Variants in IQCE observed in about 807,000 individuals in gnomAD.
The protein encoded by IQCE is IQ motif containing E, also known as IQ domain-containing protein E.
IQCE carries 115 observed loss-of-function variants against 96.0 expected under a neutral mutation model. The observed-to-expected ratio is 1.20, with a 90% CI of 1.03 to 1.40. The LOEUF (loss-of-function observed/expected upper bound fraction) is 1.40. Among genes scored for constraint, IQCE ranks in the 40% most tolerant of loss-of-function variants. IQCE has a pLI of 0.00. For synonymous variants in IQCE, 412 were observed against 371.2 expected (o/e 1.11, Z -1.26); for missense variants, 1,041 against 909.1 (o/e 1.15, Z -1.87).
At chr7:2,572,368 C>T in intron 5 of IQCE, 42 bp downstream of exon 5, 1 of 1,597,914 alleles carries the variant, frequency 6.3e-7, no homozygotes, top group Non-Finnish European at 8.5e-7. Context: ...CAAGGAAGAG[C>T]AGAAAGGAAA....
intron 1 of IQCE, among the ~76,000 whole-genome samples, chr7:2,565,097 C>CGT (rs200266385): frequency 2.0e-5 from 3 of 148,000 alleles, no homozygotes; most frequent in Admixed American, 6.8e-5. Context: ...CGTGTGTGTG[C>CGT]GTGTGTGTGT....
At chr7:2,572,072 T>C in intron 4 of IQCE, 120 bp from the exon 5 acceptor site, 1 of 1,085,342 alleles carries the variant, frequency 9.2e-7, no homozygotes, top group Non-Finnish European at 1.3e-6. Context: ...AGCACGACAC[T>C]GACGGCTGGC....
intron 17 of IQCE, among the ~76,000 whole-genome samples, chr7:2,601,165 G>A (rs531513857): frequency 6.6e-6 from 1 of 152,334 alleles, no homozygotes; most frequent in African/African-American, 2.4e-5. Context: ...ACAGCCAGGG[G>A]ACTGGCACAC....
chr7:2,592,552 C>T (rs1042193748), intron 14 of IQCE, among the ~76,000 whole-genome samples: 3 of 152,202 alleles, frequency 2.0e-5, no homozygotes, highest in South Asian at 4.1e-4. Context: ...CAGAAGTCTC[C>T]GTCGAAGGCC....
chr7:2,600,985 G>A (rs1784394371), intron 17 of IQCE, among the ~76,000 whole-genome samples: 1 of 152,178 alleles, frequency 6.6e-6, no homozygotes, highest in Non-Finnish European at 1.5e-5. Context: ...CCAGACCCCT[G>A]AACCAAAGTC....
chr7:2,574,478 C>A (rs1050467851), intron 6 of IQCE, among the ~76,000 whole-genome samples: 24 of 152,222 alleles, frequency 1.6e-4, no homozygotes, highest in African/African-American at 5.5e-4. Context: ...CTGACAGAGG[C>A]TGCGCTGCTG....
At chr7:2,571,486 G>T in intron 3 of IQCE, 40 bp from the exon 4 acceptor site, 1 of 1,603,162 alleles carries the variant, frequency 6.2e-7, no homozygotes. Flanking sequence ...CTCACATGTT[G>T]CTGTCCGGCA....
At chr7:2,570,832 A>G (rs933920860) in intron 3 of IQCE, among the ~76,000 whole-genome samples, 18 of 152,276 alleles carry the variant, frequency 1.2e-4, no homozygotes, top group African/African-American at 4.3e-4. Context: ...TTTACATATT[A>G]AGTTCTAAAT....
chr7:2,589,136 G>T (rs1490605667), intron 13 of IQCE, among the ~76,000 whole-genome samples: 1 of 152,198 alleles, frequency 6.6e-6, no homozygotes. Context: ...GGGAGGCTAA[G>T]CTGGGAGGAT....
rs61736333 is a variant in IQCE at position 2,572,256 on chromosome 7, C to T, written c.324C>T (p.Gly108=). The change falls in exon 5 of 22, where the codon GGC becomes GGT. Residue 108 remains glycine (G), a synonymous_variant. Transcript: ENST00000402050. ...AGCATGCGTGGACTGGCGTCCCCGG[C>T]GGCACTCCTGACTGTCTGACAGACA... The part of the protein sequence containing the change: ...TWEHAWTGVP[G]GTPDCLTDTF... 4,545 of 1,614,100 alleles carry T rather than the reference C, an allele frequency of 2.8e-3. 118 individuals are homozygous for T. In the African/African-American group the frequency reaches 0.053, roughly 19 times the overall value.
Position 2,558,993 on chromosome 7 carries a change from T to G in IQCE, c.-189T>G. On this transcript the variant is annotated 5_prime_UTR_variant, in exon 1 of 22. Transcript: ENST00000402050. Reference sequence around the variant, plus strand: ...CCGCGGACTCTGCGCACGCGCATGGTCGCCCCAGGGGGAACGCAGGTCGCT... The same window carrying G: ...CCGCGGACTCTGCGCACGCGCATGGGCGCCCCAGGGGGAACGCAGGTCGCT... 1 of 328,376 alleles carries G rather than the reference T, an allele frequency of 3.0e-6. No homozygotes were observed. 20.3% of individuals were successfully genotyped at this position (328,376 alleles called of 1,614,324 possible). A position where few individuals can be genotyped will look rare whatever the true frequency, so the allele number is the denominator to read the frequency against.
chr7:2,600,782 T>A (rs1784380388), intron 17 of IQCE, among the ~76,000 whole-genome samples: 2 of 152,202 alleles, frequency 1.3e-5, no homozygotes, highest in South Asian at 4.1e-4. Context: ...GCCGTGGTGG[T>A]CATTCCGTGC....
At chr7:2,583,581 C>T in intron 9 of IQCE, 56 bp from the exon 10 acceptor site, 7 of 1,366,068 alleles carry the variant, frequency 5.1e-6, no homozygotes, top group Non-Finnish European at 6.1e-6. Context: ...CTTCCTCTTG[C>T]TCTGTCCCCT....
chr7:2,598,703 C>T, intron 17 of IQCE, 71 bp downstream of exon 17: 1 of 1,354,780 alleles, frequency 7.4e-7, no homozygotes, highest in Non-Finnish European at 9.7e-7. Flanking sequence ...CACTCACTCT[C>T]CAGGAATGAC....
In IQCE at chr7:2,610,158, T is replaced by G. The variant is rs538921417; in HGVS notation, c.2084T>G (p.Val695Gly). 6.3e-6 allele frequency: 10 copies of G among 1,579,660 alleles called. No homozygotes were observed. In the African/African-American group the frequency reaches 1.2e-4, roughly 19 times the overall value. The change falls in exon 22 of 22, where the codon GTT becomes GGT. Residue 695 changes from valine (V) to glycine (G), a missense_variant. By Grantham distance (109) the Val-to-Gly change is moderately radical (BLOSUM62 -3). Coordinates refer to ENST00000402050, the MANE Select transcript of IQCE (RefSeq NM_152558.5). ...TCTCTGCCCACGAAGAACTTTCCAG[T>G]TTAGGTCCCCGTCACTGTCTCCACG... is the stretch of plus-strand genomic sequence containing the variant. ...APSLPTKNFP[V>G]
At chr7:2,608,259 G>A (rs928106815) in intron 21 of IQCE, among the ~76,000 whole-genome samples, 5 of 152,190 alleles carry the variant, frequency 3.3e-5, no homozygotes, top group Admixed American at 2.0e-4. Flanking sequence ...GATCCCTCCT[G>A]TGCTGACGCG....
chr7:2,593,557 G>A (rs996507078), intron 15 of IQCE, among the ~76,000 whole-genome samples: 7 of 152,270 alleles, frequency 4.6e-5, no homozygotes, highest in Non-Finnish European at 1.0e-4. Context: ...ACGCGTAGGC[G>A]CAGAGTGGAC....
chr7:2,592,325 G>A (rs908101701), intron 14 of IQCE, among the ~76,000 whole-genome samples: 1 of 152,198 alleles, frequency 6.6e-6, no homozygotes, highest in Non-Finnish European at 1.5e-5. Context: ...TAGACATTAG[G>A]TAAAAAACAT....
In IQCE at chr7:2,571,543, A is replaced by G; in HGVS notation, c.148A>G (p.Lys50Glu). Reference protein sequence around the residue: ...PTSPKSPYLSKPRKVASWRSL... With the variant: ...PTSPKSPYLSEPRKVASWRSL... ...TTTTCCAGAGTCACCTTATCTCTCT[A>G]AGCCGAGAAAAGTGGCCTCCTGGAG... Residue 50 changes from lysine (K) to glutamate (E), a missense_variant, in exon 4 of 22, where the codon AAG becomes GAG. Coordinates refer to ENST00000402050, the MANE Select transcript of IQCE (RefSeq NM_152558.5). 1 of 1,606,178 alleles carries G rather than the reference A, an allele frequency of 6.2e-7. No homozygotes were observed. Among genetic ancestry groups the G allele is most frequent in the South Asian group, 1.1e-5 (1 of 91,076 alleles).
Sources: allele counts gnomAD v4.1 joint callset (sites outside exome capture counted in the v4.1 genomes callset), GRCh38; gene constraint gnomAD v4.1.1; transcripts MANE v1.5; gene names NCBI Gene and HGNC (gene_info 2026-07-23, HGNC 2026-07-21).